Variants in DCC observed in about 807,000 individuals in gnomAD.
The protein encoded by DCC is DCC netrin 1 receptor.
A neutral mutation model predicts 172.5 loss-of-function variants in DCC; 58 were observed. The ratio of observed to expected loss-of-function variants is 0.34; its 90% CI spans 0.27 to 0.42. The LOEUF (loss-of-function observed/expected upper bound fraction) is 0.42. Among genes scored for constraint, DCC ranks in the 10% least tolerant of loss-of-function variants. The pLI is 1.00. For synonymous variants in DCC, 709 were observed against 644.5 expected, an observed-to-expected ratio of 1.10 and a Z score of -1.52; for missense variants, 1,740 against 1,791.0, an observed-to-expected ratio of 0.97 and a Z score of 0.51.
intron 12 of DCC, among the ~76,000 whole-genome samples, chr18:53,303,234 A>G (rs2057161053): frequency 2.6e-5 from 4 of 152,162 alleles, no homozygotes; most frequent in African/African-American, 9.7e-5. Context: ...TTGAATATTT[A>G]ATTTGTGCAA....
chr18:52,731,871 A>G (rs955574314), intron 1 of DCC, among the ~76,000 whole-genome samples: 1 of 152,204 alleles, frequency 6.6e-6, no homozygotes, highest in African/African-American at 2.4e-5. Flanking sequence ...CTATGATAGC[A>G]AATATTTTAA....
rs543609081 is a variant in DCC, at chr18:52,443,264, A to G, written c.91+102386A>G. On this transcript the variant is annotated intron_variant, in intron 1 of 28. Transcript: ENST00000442544. ...TGCCCAATAATTATTCTTATGAACA[A>G]TTAGTAACAAGTCCTCATTAATTTT... 2.0e-5 allele frequency among the ~76,000 whole-genome samples: 3 copies of G among 152,280 alleles called. 1 individual carries two copies. The highest frequency in any genetic ancestry group is 7.2e-5 in the African/African-American group (3 of 41,570).
intron 2 of DCC, among the ~76,000 whole-genome samples, chr18:52,894,453 A>G: frequency 6.7e-6 from 1 of 150,080 alleles, no homozygotes; most frequent in East Asian, 1.9e-4. Context: ...TATTTATATT[A>G]TTTTTATATA....
At chr18:52,448,823 C>A (rs1988211497) in intron 1 of DCC, among the ~76,000 whole-genome samples, 1 of 152,168 alleles carries the variant, frequency 6.6e-6, no homozygotes, top group South Asian at 2.1e-4. Context: ...CCCTAGTTGT[C>A]CCTAATGGCT....
chr18:52,849,381 C>A (rs1236933187), intron 2 of DCC, among the ~76,000 whole-genome samples: 1 of 152,152 alleles, frequency 6.6e-6, no homozygotes, highest in East Asian at 1.9e-4. Flanking sequence ...CTTTCACAAA[C>A]CTTGCCAACA....
At chr18:53,317,749 A>G (rs1156634405) in intron 13 of DCC, among the ~76,000 whole-genome samples, 1 of 152,104 alleles carries the variant, frequency 6.6e-6, no homozygotes, top group South Asian at 2.1e-4. Context: ...CATTTCTTCT[A>G]GATTTTCTAG....
rs1451588049 is a variant in DCC at position 53,525,751 on chromosome 18, G to A, written c.4112-866G>A. The stretch of plus-strand genomic sequence containing the variant: ...AGCTCTCGTGATAGAAGAGAACTGA[G>A]GCCACTGTCTTTTCATGGCTTTCTC... On this transcript the variant is annotated intron_variant, in intron 27 of 28. Coordinates refer to ENST00000442544, the MANE Select transcript of DCC (RefSeq NM_005215.4). Among the ~76,000 whole-genome samples the A allele has an allele frequency of 2.0e-5, 3 of 152,014 alleles. No homozygotes were observed. The East Asian group carries it at 5.8e-4, about 29-fold the overall frequency.
At chr18:53,527,064 AT>A in intron 28 of DCC, 2 of 395,300 alleles carry the variant, frequency 5.1e-6, no homozygotes, top group South Asian at 4.4e-5. Flanking sequence ...TAATATATAC[AT>A]ATACACATGA....
intron 1 of DCC, among the ~76,000 whole-genome samples, chr18:52,514,217 G>A (rs1171606146): frequency 1.3e-5 from 2 of 150,638 alleles, no homozygotes; most frequent in African/African-American, 2.5e-5. Context: ...ATATGTGTAT[G>A]CATGTATATG....
At chr18:52,718,159 T>C (rs2145069413) in intron 1 of DCC, among the ~76,000 whole-genome samples, 1 of 152,320 alleles carries the variant, frequency 6.6e-6, no homozygotes, top group African/African-American at 2.4e-5. Flanking sequence ...CTGTATGCTA[T>C]GGCAAGCTTA....
At chr18:53,034,622 T>G (rs2042067695) in intron 5 of DCC, among the ~76,000 whole-genome samples, 1 of 152,032 alleles carries the variant, frequency 6.6e-6, no homozygotes. Context: ...ATCCCTGTTC[T>G]TCTACATTCT....
intron 12 of DCC, among the ~76,000 whole-genome samples, chr18:53,304,165 TA>T (rs930929592): frequency 6.6e-6 from 1 of 152,066 alleles, no homozygotes; most frequent in Non-Finnish European, 1.5e-5. Flanking sequence ...GGGTACAGGA[TA>T]GGGGGACATG....
At chr18:53,121,687 G>A (rs941295367) in intron 7 of DCC, among the ~76,000 whole-genome samples, 2 of 151,626 alleles carry the variant, frequency 1.3e-5, no homozygotes, top group African/African-American at 4.8e-5. Context: ...TAATACTAAC[G>A]GAGCAGCTAT....
intron 9 of DCC, among the ~76,000 whole-genome samples, chr18:53,202,563 T>G (rs2055556191): frequency 6.6e-6 from 1 of 152,208 alleles, no homozygotes; most frequent in African/African-American, 2.4e-5. Flanking sequence ...GAACCATTAG[T>G]AGATGCTAAA....
chr18:53,167,679 T>G (rs2054943211), intron 8 of DCC, among the ~76,000 whole-genome samples: 1 of 152,136 alleles, frequency 6.6e-6, no homozygotes, highest in Non-Finnish European at 1.5e-5. Flanking sequence ...TAAGTGTGAA[T>G]AAAATATAAA....
intron 1 of DCC, among the ~76,000 whole-genome samples, chr18:52,419,010 G>A (rs949634054): frequency 5.9e-5 from 9 of 151,660 alleles, no homozygotes; most frequent in Non-Finnish European, 1.0e-4. Context: ...ACAGGTGCAC[G>A]CCACCAGGCC....
chr18:53,258,062 T>C (rs1247989887), intron 12 of DCC, among the ~76,000 whole-genome samples: 7 of 152,054 alleles, frequency 4.6e-5, no homozygotes, highest in Non-Finnish European at 7.4e-5. Flanking sequence ...GTGATATCCC[T>C]TTTATCATTT....
intron 2 of DCC, among the ~76,000 whole-genome samples, chr18:52,865,951 T>TTAGTC (rs66788583): frequency 0.41 from 62,606 of 152,088 alleles, 13,432 homozygotes; most frequent in Non-Finnish European, 0.48. Flanking sequence ...TTTTGGTGGT[T>TTAGTC]ATGAAGTCTT....
At chr18:52,837,808 A>T (rs147044077) in intron 2 of DCC, among the ~76,000 whole-genome samples, 37 of 152,324 alleles carry the variant, frequency 2.4e-4, no homozygotes, top group African/African-American at 8.2e-4. Context: ...GCTTCTATAA[A>T]GATCTGCCCG....
Sources: allele counts gnomAD v4.1 joint callset (sites outside exome capture counted in the v4.1 genomes callset), GRCh38; gene constraint gnomAD v4.1.1; transcripts MANE v1.5; gene names NCBI Gene and HGNC (gene_info 2026-07-23, HGNC 2026-07-21).